LATS2: variants seen among roughly 807,000 people sequenced by gnomAD.
LATS2 encodes large tumor suppressor kinase 2.
A neutral mutation model predicts 76.0 loss-of-function variants in LATS2; 24 were observed. The observed-to-expected ratio is 0.32, with a 90% confidence interval of 0.23 to 0.44. LATS2 has a LOEUF of 0.44. LATS2 is among the 20% of genes least tolerant of loss of function. LATS2 has a pLI of 1.00. For synonymous variants in LATS2, 692 were observed against 635.4 expected, an observed-to-expected ratio of 1.09 and a Z score of -1.34; for missense variants, 1,286 against 1,481.2, an observed-to-expected ratio of 0.87 and a Z score of 2.16.
chr13:21,010,107 C>A (rs1032065976), intron 2 of LATS2, among the ~76,000 whole-genome samples: 2 of 151,866 alleles, frequency 1.3e-5, no homozygotes, highest in Non-Finnish European at 2.9e-5. Context: ...GGCTGAGGCA[C>A]GAGAATCGGT....
At chr13:21,002,492 A>C (rs1390260731) in intron 2 of LATS2, among the ~76,000 whole-genome samples, 1 of 150,746 alleles carries the variant, frequency 6.6e-6, no homozygotes, top group Non-Finnish European at 1.5e-5. Context: ...CTCCCACTTC[A>C]GCCTCCAGAG....
chr13:21,026,703 C>T (rs1872322797), intron 2 of LATS2, among the ~76,000 whole-genome samples: 1 of 152,172 alleles, frequency 6.6e-6, no homozygotes, highest in Admixed American at 6.5e-5. Flanking sequence ...TGCCTATAAT[C>T]CCAGCACTTT....
chr13:21,042,814 C>G (rs939353521), intron 2 of LATS2, among the ~76,000 whole-genome samples: 23 of 150,828 alleles, frequency 1.5e-4, no homozygotes, highest in African/African-American at 5.4e-4. Context: ...CGAAACCCGT[C>G]TCTACTAAAA....
At chr13:20,994,660 T>A (rs140932229) in intron 2 of LATS2, among the ~76,000 whole-genome samples, 1 of 152,278 alleles carries the variant, frequency 6.6e-6, no homozygotes, top group African/African-American at 2.4e-5. Flanking sequence ...TTTGGGAGAC[T>A]GAGGCAGGAA....
chr13:21,056,812 T>C (rs1873462562), intron 1 of LATS2, among the ~76,000 whole-genome samples: 1 of 152,230 alleles, frequency 6.6e-6, no homozygotes, highest in Non-Finnish European at 1.5e-5. Context: ...TTGGAGAAGG[T>C]ATCTTAGAGA....
At chr13:20,999,688 G>A (rs1165177497) in intron 2 of LATS2, among the ~76,000 whole-genome samples, 1 of 151,992 alleles carries the variant, frequency 6.6e-6, no homozygotes, top group Non-Finnish European at 1.5e-5. Context: ...AAACTCCGGA[G>A]GCCAAGCCAT....
At chr13:21,023,006 G>A (rs1487682342) in intron 2 of LATS2, 1 of 152,280 alleles carries the variant, frequency 6.6e-6, no homozygotes, top group Non-Finnish European at 1.5e-5. Flanking sequence ...AGGAAAGGGG[G>A]TGTGGGGGAA....
rs56266495 is a variant in LATS2, at chr13:20,975,032, G to A, written c.3105C>T (p.His1035=). 114 of 1,614,116 alleles carry A rather than the reference G, an allele frequency of 7.1e-5. No homozygotes were observed. The Middle Eastern group carries it at 1.6e-3, about 23-fold the overall frequency. Residue 1035 remains histidine (H), a synonymous_variant, in exon 8 of 8, where the codon CAC becomes CAT. Transcript: ENST00000382592. ...TTCGGAAGGTGAATTCGTAAAATGCGTGCTCAGGATGCTTGTTATTGGGCG... is the reference window on the plus strand; with the variant it reads ...TTCGGAAGGTGAATTCGTAAAATGCATGCTCAGGATGCTTGTTATTGGGCG... The part of the protein sequence containing the change: ...LTSPNNKHPE[H]AFYEFTFRRF...
chr13:21,034,700 C>G (rs9506597), intron 2 of LATS2, among the ~76,000 whole-genome samples: 87,554 of 151,710 alleles, frequency 0.58, 28,345 homozygotes, highest in Non-Finnish European at 0.73. Context: ...TGATTTAGTG[C>G]TTGTCTGCTT....
intron 2 of LATS2, among the ~76,000 whole-genome samples, chr13:21,042,325 T>A (rs1872904712): frequency 6.6e-6 from 1 of 152,208 alleles, no homozygotes; most frequent in Non-Finnish European, 1.5e-5. Context: ...GCTAGTTACA[T>A]GGGTGGGTTT....
Position 21,048,512 on chromosome 13 carries a change from T to C in LATS2, c.-204-2282A>G, listed in dbSNP as rs536125640. ...CTACTCATCTAGCCCATCCACCCTC[T>C]ACCTACCATACAAACATTTATTAAA... On this transcript the variant is annotated intron_variant, in intron 1 of 7. Coordinates refer to ENST00000382592, the MANE Select transcript of LATS2 (RefSeq NM_014572.3). Among the ~76,000 whole-genome samples the C allele has an allele frequency of 9.9e-5, 15 of 152,252 alleles. No individual in the cohort carries two copies. The South Asian group carries it at 3.1e-3, about 32-fold the overall frequency.
chr13:21,030,682 T>C (rs1872502435), intron 2 of LATS2, among the ~76,000 whole-genome samples: 1 of 151,756 alleles, frequency 6.6e-6, no homozygotes, highest in Non-Finnish European at 1.5e-5. Context: ...TAGTGTTGTA[T>C]ATCAGATCTA....
At chr13:20,995,546 T>C (rs189628114) in intron 2 of LATS2, among the ~76,000 whole-genome samples, 96 of 152,288 alleles carry the variant, frequency 6.3e-4, no homozygotes, top group Admixed American at 1.3e-3. Flanking sequence ...CAATGAATGA[T>C]TGAGTGAGTG....
In LATS2 at chr13:20,989,128, C is replaced by T. The variant is rs1365471980; in HGVS notation, c.652G>A (p.Gly218Arg). The change falls in exon 4 of 8, where the codon GGA (glycine) becomes AGA (arginine). Residue 218 changes from glycine to arginine, a missense_variant. Gly to Arg is a moderately radical substitution (Grantham distance 125). This residue lies in a region of LATS2 where 710 missense variants were observed against 660.9 expected (regional missense o/e 1.07). Coordinates refer to ENST00000382592, the MANE Select transcript of LATS2 (RefSeq NM_014572.3). ...PRPYVDYLFP[G>R]VGPHGPGHQH... ...TGGCCGGGCCCGTGGGGGCCGACTC[C>T]GGGGAAAAGGTAGTCCACGTACGGC... 1.6e-5 allele frequency: 26 copies of T among 1,608,880 alleles called. No homozygotes were observed. The highest frequency in any genetic ancestry group is 2.7e-5 in the African/African-American group (2 of 74,868).
intron 2 of LATS2, among the ~76,000 whole-genome samples, chr13:21,003,395 A>C (rs1222145232): frequency 6.6e-6 from 1 of 151,300 alleles, no homozygotes; most frequent in African/African-American, 2.4e-5. Context: ...CTGGGACTAC[A>C]GGTGCGCCAC....
rs1870285806 is a variant in LATS2, at chr13:20,988,362, G to GGGGCGA, written c.1417_1418insTCGCCC (p.Ala472_Pro473insLeuAla). 1.5e-6 allele frequency: 2 copies of GGGGCGA among 1,367,056 alleles called. No homozygotes were observed. Among genetic ancestry groups the GGGGCGA allele is most frequent in the Non-Finnish European group, 1.9e-6 (2 of 1,070,016 alleles). The allele number at this position is 1,367,056 out of a possible 1,614,324, so 84.7% of individuals were successfully genotyped here. On this transcript the variant is annotated inframe_insertion, in exon 4 of 8. Transcript: ENST00000382592. ...CGCAGCCGGGGCGGGGGCGGGGGCG[G>GGGGCGA]GGGCCGGGGCAGGCGCGGGCACCCA...
chr13:21,031,880 C>T (rs987830197), intron 2 of LATS2, among the ~76,000 whole-genome samples: 7 of 152,156 alleles, frequency 4.6e-5, no homozygotes, highest in African/African-American at 1.7e-4. Flanking sequence ...GTCTGTGCAT[C>T]ACTAACCCTG....
At chr13:21,023,470 G>A (rs999384225) in intron 2 of LATS2, among the ~76,000 whole-genome samples, 4 of 151,392 alleles carry the variant, frequency 2.6e-5, no homozygotes, top group Non-Finnish European at 4.4e-5. Flanking sequence ...GCAAGTACAC[G>A]GACCCCTGCA....
rs1432544012 is a variant in LATS2 at position 20,988,371 on chromosome 13, G to A, written c.1409C>T (p.Ala470Val). 4.4e-6 allele frequency: 6 copies of A among 1,367,554 alleles called. No individual in the cohort carries two copies. Among genetic ancestry groups the A allele is most frequent in the Admixed American group, 7.7e-5 (2 of 25,830 alleles). The allele number at this position is 1,367,554 out of a possible 1,614,324, so 84.7% of individuals were successfully genotyped here. Residue 470 changes from alanine to valine, a missense_variant, in exon 4 of 8, where the codon GCC (alanine) becomes GTC (valine). Ala to Val is a moderately conservative substitution (Grantham distance 64, BLOSUM62 0). Transcript: ENST00000382592. ...GGCGGGGGCGGGGGCGGGGGCCGGGGCAGGCGCGGGCACCCAGGCGGGGTG... is the reference window on the plus strand; with the variant it reads ...GGCGGGGGCGGGGGCGGGGGCCGGGACAGGCGCGGGCACCCAGGCGGGGTG... ...PSHPAWVPAP[A>V]PAPAPAPAPA...
Sources: gnomAD v4.1 joint callset for allele counts (sites outside exome capture counted in the v4.1 genomes callset) on GRCh38, gnomAD v4.1.1 for gene constraint, gnomAD v4.1.1 regional missense constraint, MANE v1.5 for transcripts, NCBI Gene and HGNC (gene_info 2026-07-23, HGNC 2026-07-21) for gene names.